PCDHB5: variants seen among roughly 807,000 people sequenced by gnomAD.
PCDHB5 encodes protocadherin beta 5.
For missense variants in PCDHB5, 1,125 were observed against 1,029.4 expected, an observed-to-expected ratio of 1.09 and a Z score of -1.27; for synonymous variants, 569 against 462.2, an observed-to-expected ratio of 1.23 and a Z score of -2.96.
In PCDHB5 at chr5:141,136,353, G is replaced by A. The variant is rs1429726441; in HGVS notation, c.919G>A (p.Asp307Asn). 1.9e-6 allele frequency: 3 copies of A among 1,613,978 alleles called. No homozygotes were observed. Among genetic ancestry groups the A allele is most frequent in the Middle Eastern group, 1.6e-4 (1 of 6,082 alleles). Residue 307 changes from aspartate to asparagine, a missense_variant, in exon 1 of 1, where the codon GAT (aspartate) becomes AAT (asparagine). By Grantham distance (23) the Asp-to-Asn change is conservative. Coordinates refer to ENST00000231134, the MANE Select transcript of PCDHB5 (RefSeq NM_015669.5). ...TAEIRLKRAL[D>N]FEATPYYNVE... Reference sequence around the variant, plus strand: ...AGAAATTCGCCTGAAAAGGGCATTGGATTTCGAGGCAACTCCATATTATAA... The same window carrying A: ...AGAAATTCGCCTGAAAAGGGCATTGAATTTCGAGGCAACTCCATATTATAA...
In PCDHB5 at chr5:141,136,017, G is replaced by A; in HGVS notation, c.583G>A (p.Val195Met). ...AGATGGCAGAAAATACCCAGAGCTG[G>A]TGCTGGACAAAGCGCTGGACCGGGA... Reference protein sequence around the residue: ...RGDGRKYPELVLDKALDREER... With the variant: ...RGDGRKYPELMLDKALDREER... Residue 195 changes from valine (V) to methionine (M), a missense_variant, in exon 1 of 1, where the codon GTG becomes ATG. Physicochemically the swap from Val to Met is conservative, Grantham distance 21. Transcript: ENST00000231134. 1.2e-6 allele frequency: 2 copies of A among 1,614,182 alleles called. No individual in the cohort carries two copies. The highest frequency in any genetic ancestry group is 1.7e-6 in the Non-Finnish European group (2 of 1,180,002).
rs144112908 is a variant in PCDHB5 at position 141,135,760 on chromosome 5, T to G, written c.326T>G (p.Leu109Ter). 12 of 1,614,092 alleles carry G rather than the reference T, an allele frequency of 7.4e-6. No individual in the cohort carries two copies. In the Admixed American group the frequency reaches 2.0e-4, roughly 27 times the overall value. Residue 109 changes from leucine (L) to a stop codon, truncating the protein, a stop_gained, in exon 1 of 1, where the codon TTA (leucine) becomes TGA (stop). Transcript: ENST00000231134. LOFTEE classifies it low-confidence loss of function (END_TRUNC). ...CCCTGTATATTGCATTTCCAGCTCT[T>G]ACTAGAAAATCCAGTGCAGTTTTTT... ...TEPCILHFQLLLENPVQFFQT... is the reference protein window; with the variant it reads ...TEPCILHFQL
At position 141,136,461 on chromosome 5, in the gene PCDHB5, G is replaced by GCC; in HGVS notation, c.1030_1031dup (p.Glu345LeufsTer20). ...AGAAGTGGTGGATGTGAATGACAACGCCCCTGAACTCACCATGTCTACGCT... is the reference window on the plus strand; with the variant it reads ...AGAAGTGGTGGATGTGAATGACAACGCCCCCCTGAACTCACCATGTCTACGCT... On this transcript the variant is annotated frameshift_variant, in exon 1 of 1. Coordinates refer to ENST00000231134, the MANE Select transcript of PCDHB5 (RefSeq NM_015669.5). LOFTEE classifies it low-confidence loss of function (END_TRUNC). 6.2e-7 allele frequency: 1 copy of GCC among 1,614,066 alleles called. No homozygotes were observed. The highest frequency in any genetic ancestry group is 8.5e-7 in the Non-Finnish European group (1 of 1,180,020).
At position 141,137,288 on chromosome 5, in the gene PCDHB5, G is replaced by A. The variant is rs568545778; in HGVS notation, c.1854G>A (p.Ala618=). 1.9e-6 allele frequency: 3 copies of A among 1,610,460 alleles called. No individual in the cohort carries two copies. The highest frequency in any genetic ancestry group is 2.2e-5 in the East Asian group (1 of 44,856). The change falls in exon 1 of 1, where the codon GCG becomes GCA. Residue 618 remains alanine, a synonymous_variant. Transcript: ENST00000231134. The stretch of plus-strand genomic sequence containing the variant: ...AGCCCGGGCTGTTCAGCATGTGGGC[G>A]CACAATGGCGAGGTGCGCACCGCCA... ...ATEPGLFSMW[A]HNGEVRTARL... is the part of the protein sequence containing the mutation.
At position 141,137,199 on chromosome 5, in the gene PCDHB5, G is replaced by C. The variant is rs1554276136; in HGVS notation, c.1765G>C (p.Val589Leu). ...GCCGGGCTACCTGGTGACCAAGGTG[G>C]TGGCGGTGGACGGTGACTCGGGCCA... ...AEPGYLVTKV[V>L]AVDGDSGQNA... is the part of the protein sequence containing the mutation. The change falls in exon 1 of 1, where the codon GTG becomes CTG. Residue 589 changes from valine to leucine, a missense_variant. Val to Leu is a conservative substitution (Grantham distance 32, BLOSUM62 1). Transcript: ENST00000231134. 1 of 1,610,996 alleles carries C rather than the reference G, an allele frequency of 6.2e-7. No homozygotes were observed. The highest frequency in any genetic ancestry group is 2.2e-5 in the East Asian group (1 of 44,876).
In PCDHB5 at chr5:141,136,453, A is replaced by G; in HGVS notation, c.1019A>G (p.Asn340Ser). 1.2e-6 allele frequency: 2 copies of G among 1,614,176 alleles called. No homozygotes were observed. The highest frequency in any genetic ancestry group is 1.7e-6 in the Non-Finnish European group (2 of 1,180,032). Reference protein sequence around the residue: ...CTVAIEVVDVNDNAPELTMST... With the variant: ...CTVAIEVVDVSDNAPELTMST... ...GTGGCTATAGAAGTGGTGGATGTGA[A>G]TGACAACGCCCCTGAACTCACCATG... is the stretch of plus-strand genomic sequence containing the variant. The change falls in exon 1 of 1, where the codon AAT becomes AGT. Residue 340 changes from asparagine to serine, a missense_variant. By Grantham distance (46) the Asn-to-Ser change is conservative. Transcript: ENST00000231134.
chr5:141,137,565 C>G lies in PCDHB5; in HGVS notation c.2131C>G (p.Arg711Gly). 1 of 1,612,592 alleles carries G rather than the reference C, an allele frequency of 6.2e-7. No homozygotes were observed. Among genetic ancestry groups the G allele is most frequent in the East Asian group, 2.2e-5 (1 of 44,858 alleles). The change falls in exon 1 of 1, where the codon CGG becomes GGG. Residue 711 changes from arginine to glycine, a missense_variant. Transcript: ENST00000231134. ...LFSVLLFVAVRLCRRSRAAPV... is the reference protein window; with the variant it reads ...LFSVLLFVAVGLCRRSRAAPV... Reference sequence around the variant, plus strand: ...TTCGGTGCTCCTGTTCGTGGCAGTGCGGCTGTGCAGGAGGAGCAGGGCGGC... The same window carrying G: ...TTCGGTGCTCCTGTTCGTGGCAGTGGGGCTGTGCAGGAGGAGCAGGGCGGC...
rs1554276285 is a variant in PCDHB5, at chr5:141,137,647, T to G, written c.2213T>G (p.Val738Gly). 11 of 1,614,082 alleles carry G rather than the reference T, an allele frequency of 6.8e-6. No homozygotes were observed. The East Asian group carries it at 2.5e-4, about 36-fold the overall frequency. ...CCCTTTCCAGGGCATCTGGTGGACG[T>G]GAGCGGCACCGGGACCCTATCCCAG... is the stretch of plus-strand genomic sequence containing the variant. Reference protein sequence around the residue: ...EGPFPGHLVDVSGTGTLSQSY... With the variant: ...EGPFPGHLVDGSGTGTLSQSY... Residue 738 changes from valine to glycine, a missense_variant, in exon 1 of 1, where the codon GTG becomes GGG. Transcript: ENST00000231134.
chr5:141,137,472 G>A lies in PCDHB5; in HGVS notation c.2038G>A (p.Ala680Thr). 1 of 1,612,672 alleles carries A rather than the reference G, an allele frequency of 6.2e-7. No homozygotes were observed. The highest frequency in any genetic ancestry group is 8.5e-7 in the Non-Finnish European group (1 of 1,179,732). The change falls in exon 1 of 1, where the codon GCC becomes ACC. Residue 680 changes from alanine to threonine, a missense_variant. By Grantham distance (58) the Ala-to-Thr change is moderately conservative (BLOSUM62 0). Coordinates refer to ENST00000231134, the MANE Select transcript of PCDHB5 (RefSeq NM_015669.5). Reference sequence around the variant, plus strand: ...GCTGCCGGAGGCGGCCCCGGCCCAGGCCCAGGCCGACTCGCTCACTGTCTA... The same window carrying A: ...GCTGCCGGAGGCGGCCCCGGCCCAGACCCAGGCCGACTCGCTCACTGTCTA... ...LPLPEAAPAQ[A>T]QADSLTVYLV...
chr5:141,135,637 A>C lies in PCDHB5; in HGVS notation c.203A>C (p.Tyr68Ser). The C allele has an allele frequency of 1.2e-6, 2 of 1,614,146 alleles. No homozygotes were observed. The highest frequency in any genetic ancestry group is 8.5e-7 in the Non-Finnish European group (1 of 1,180,028). The change falls in exon 1 of 1, where the codon TAC becomes TCC. Residue 68 changes from tyrosine (Y) to serine (S), a missense_variant. Transcript: ENST00000231134. ...ELATRGARMHYKGNKELLQLD... is the reference protein window; with the variant it reads ...ELATRGARMHSKGNKELLQLD... ...GCCACTCGGGGCGCGCGAATGCATT[A>C]CAAAGGAAACAAAGAGCTCTTGCAG...
chr5:141,136,085 T>TG lies in PCDHB5; in HGVS notation c.655dup (p.Ala219GlyfsTer17). On this transcript the variant is annotated frameshift_variant, in exon 1 of 1. Coordinates refer to ENST00000231134, the MANE Select transcript of PCDHB5 (RefSeq NM_015669.5). LOFTEE classifies it low-confidence loss of function (END_TRUNC). Reference sequence around the variant, plus strand: ...GCTTAACACTCACTGCACTGGACGGTGGGGCTCCGCCCAGGTCCGGGACCA... The same window carrying TG: ...GCTTAACACTCACTGCACTGGACGGTGGGGGCTCCGCCCAGGTCCGGGACCA... 1 of 1,614,120 alleles carries TG rather than the reference T, an allele frequency of 6.2e-7. No homozygotes were observed. Among genetic ancestry groups the TG allele is most frequent in the South Asian group, 1.1e-5 (1 of 91,080 alleles).
In PCDHB5 at chr5:141,136,320, A is replaced by G. The variant is rs782356975; in HGVS notation, c.886A>G (p.Lys296Glu). ...EVTQPFVIDE[K>E]TAEIRLKRAL... is the part of the protein sequence containing the mutation. The stretch of plus-strand genomic sequence containing the variant: ...TACTCAACCATTTGTAATAGACGAG[A>G]AAACAGCAGAAATTCGCCTGAAAAG... Residue 296 changes from lysine to glutamate, a missense_variant, in exon 1 of 1, where the codon AAA becomes GAA. Lys to Glu is a moderately conservative substitution (Grantham distance 56). Coordinates refer to ENST00000231134, the MANE Select transcript of PCDHB5 (RefSeq NM_015669.5). 1.9e-6 allele frequency: 3 copies of G among 1,614,226 alleles called. No individual in the cohort carries two copies. The highest frequency in any genetic ancestry group is 2.5e-6 in the Non-Finnish European group (3 of 1,180,038).
rs1752561982 is a variant in PCDHB5, at chr5:141,136,012, A to G, written c.578A>G (p.Glu193Gly). The G allele has an allele frequency of 1.2e-6, 2 of 1,614,072 alleles. No individual in the cohort carries two copies. The highest frequency in any genetic ancestry group is 1.3e-5 in the African/African-American group (1 of 74,950). The change falls in exon 1 of 1, where the codon GAG (glutamate) becomes GGG (glycine). Residue 193 changes from glutamate (E) to glycine (G), a missense_variant. By Grantham distance (98) the Glu-to-Gly change is moderately conservative. Coordinates refer to ENST00000231134, the MANE Select transcript of PCDHB5 (RefSeq NM_015669.5). ...CGCGGAGATGGCAGAAAATACCCAG[A>G]GCTGGTGCTGGACAAAGCGCTGGAC... Reference protein sequence around the residue: ...HNRGDGRKYPELVLDKALDRE... With the variant: ...HNRGDGRKYPGLVLDKALDRE...
rs782734197 is a variant in PCDHB5, at chr5:141,136,100, G to A, written c.666G>A (p.Arg222=). The A allele has an allele frequency of 1.2e-6, 2 of 1,614,160 alleles. No homozygotes were observed. The highest frequency in any genetic ancestry group is 2.2e-5 in the South Asian group (2 of 91,076). The change falls in exon 1 of 1, where the codon AGG becomes AGA. Residue 222 remains arginine (R), a synonymous_variant. Transcript: ENST00000231134. The part of the protein sequence containing the change: ...LTALDGGAPP[R]SGTTTIRIVV... ...CACTGGACGGTGGGGCTCCGCCCAG[G>A]TCCGGGACCACCACAATTCGCATTG...
At position 141,135,360 on chromosome 5, in the gene PCDHB5, C is replaced by T. The variant is rs962518991; in HGVS notation, c.-75C>T. On this transcript the variant is annotated 5_prime_UTR_variant, in exon 1 of 1. Transcript: ENST00000231134. ...GAAATCAGTCAAGAAAGATCGGATTCGCGGTTATTTATGCAAATCATCTGG... is the reference window on the plus strand; with the variant it reads ...GAAATCAGTCAAGAAAGATCGGATTTGCGGTTATTTATGCAAATCATCTGG... 2.9e-6 allele frequency: 3 copies of T among 1,026,134 alleles called. No homozygotes were observed. In the African/African-American group the frequency reaches 4.8e-5, roughly 16 times the overall value. 63.6% of individuals were successfully genotyped at this position (1,026,134 alleles called of 1,614,324 possible).
In PCDHB5 at chr5:141,136,061, C is replaced by T; in HGVS notation, c.627C>T (p.Ser209=). ...ACCGGGAGGAGCGGCCTGAGCTCAGCTTAACACTCACTGCACTGGACGGTG... is the reference window on the plus strand; with the variant it reads ...ACCGGGAGGAGCGGCCTGAGCTCAGTTTAACACTCACTGCACTGGACGGTG... ...ALDREERPEL[S]LTLTALDGGA... is the part of the protein sequence containing the mutation. The change falls in exon 1 of 1, where the codon AGC becomes AGT. Residue 209 remains serine (S), a synonymous_variant. Coordinates refer to ENST00000231134, the MANE Select transcript of PCDHB5 (RefSeq NM_015669.5). 6.2e-7 allele frequency: 1 copy of T among 1,614,218 alleles called. No individual in the cohort carries two copies.
Position 141,135,942 on chromosome 5 carries a change from T to G in PCDHB5, c.508T>G (p.Tyr170Asp). The G allele has an allele frequency of 6.2e-7, 1 of 1,614,176 alleles. No homozygotes were observed. Among genetic ancestry groups the G allele is most frequent in the Non-Finnish European group, 8.5e-7 (1 of 1,180,022 alleles). Residue 170 changes from tyrosine to aspartate, a missense_variant, in exon 1 of 1, where the codon TAC (tyrosine) becomes GAC (aspartate). Tyr to Asp is a radical substitution (Grantham distance 160, BLOSUM62 -3). Coordinates refer to ENST00000231134, the MANE Select transcript of PCDHB5 (RefSeq NM_015669.5). The stretch of plus-strand genomic sequence containing the variant: ...CATAGGTAGCAACACTGTTCAGAAC[T>G]ACACAATCAGCCCAAATTCACACTT... ...FDIGSNTVQN[Y>D]TISPNSHFHV...
chr5:141,136,297 C>T lies in PCDHB5; in HGVS notation c.863C>T (p.Thr288Ile). The T allele has an allele frequency of 1.2e-6, 2 of 1,614,190 alleles. No individual in the cohort carries two copies. Among genetic ancestry groups the T allele is most frequent in the Non-Finnish European group, 1.7e-6 (2 of 1,180,036 alleles). ...AYALFQGDEVTQPFVIDEKTA... is the reference protein window; with the variant it reads ...AYALFQGDEVIQPFVIDEKTA... ...GCTCTATTCCAAGGCGATGAAGTTACTCAACCATTTGTAATAGACGAGAAA... is the reference window on the plus strand; with the variant it reads ...GCTCTATTCCAAGGCGATGAAGTTATTCAACCATTTGTAATAGACGAGAAA... Residue 288 changes from threonine to isoleucine, a missense_variant, in exon 1 of 1, where the codon ACT becomes ATT. Physicochemically the swap from Thr to Ile is moderately conservative, Grantham distance 89. Transcript: ENST00000231134.
In PCDHB5 at chr5:141,137,858, T is replaced by G. The variant is rs782405277; in HGVS notation, c.*36T>G. 2 of 1,520,462 alleles carry G rather than the reference T, an allele frequency of 1.3e-6. 1 individual carries two copies. Among genetic ancestry groups the G allele is most frequent in the South Asian group, 2.6e-5 (2 of 76,496 alleles). The allele number at this position is 1,520,462 out of a possible 1,614,324, so 94.2% of individuals were successfully genotyped here. On this transcript the variant is annotated 3_prime_UTR_variant, in exon 1 of 1. Coordinates refer to ENST00000231134, the MANE Select transcript of PCDHB5 (RefSeq NM_015669.5). ...ATGACGCGTTGTTTTCTGCCATTTA[T>G]CCCAAACTTTTTCAGATCTAGAATT...
Sources: gnomAD v4.1 joint callset for allele counts on GRCh38, gnomAD v4.1.1 for gene constraint, MANE v1.5 for transcripts, NCBI Gene and HGNC (gene_info 2026-07-23, HGNC 2026-07-21) for gene names.